The following VPS41 variants were observed in gnomAD, a reference collection of about 807,000 sequenced individuals.
VPS41 encodes VPS41 subunit of HOPS complex, also known as vacuolar protein sorting-associated protein 41 homolog.
VPS41 carries 85 observed loss-of-function variants against 130.9 expected under a neutral mutation model. The ratio of observed to expected loss-of-function variants is 0.65; its 90% CI spans 0.55 to 0.78. The LOEUF (loss-of-function observed/expected upper bound fraction) is 0.78. Ranked by LOEUF, VPS41 falls within the 30% of genes least tolerant of loss-of-function variation. VPS41 has a pLI of 0.00. For missense variants in VPS41, 874 were observed against 1,018.7 expected, an observed-to-expected ratio of 0.86 and a Z score of 1.93; for synonymous variants, 335 against 332.9, an observed-to-expected ratio of 1.01 and a Z score of -0.07.
At chr7:38,793,042 G>A (rs1362307111) in intron 9 of VPS41, among the ~76,000 whole-genome samples, 1 of 152,068 alleles carries the variant, frequency 6.6e-6, no homozygotes, top group African/African-American at 2.4e-5. Context: ...TATTGGACAG[G>A]CCATCCCTGG....
At chr7:38,786,641 C>T (rs1311028411) in intron 10 of VPS41, among the ~76,000 whole-genome samples, 1 of 151,964 alleles carries the variant, frequency 6.6e-6, no homozygotes, top group Non-Finnish European at 1.5e-5. Context: ...AATTTCATAA[C>T]AAAATGTTAG....
At chr7:38,901,497 G>T (rs1453217118) in intron 1 of VPS41, among the ~76,000 whole-genome samples, 1 of 152,192 alleles carries the variant, frequency 6.6e-6, no homozygotes, top group Non-Finnish European at 1.5e-5. Context: ...AAGACAGGAA[G>T]CAAAAGAGGG....
intron 2 of VPS41, among the ~76,000 whole-genome samples, chr7:38,892,250 G>A (rs986987618): frequency 3.3e-5 from 5 of 152,094 alleles, no homozygotes; most frequent in Non-Finnish European, 7.4e-5. Flanking sequence ...GTTAAAGGCA[G>A]TATAACTAGA....
intron 2 of VPS41, among the ~76,000 whole-genome samples, chr7:38,892,316 C>A (rs1229057961): frequency 6.6e-6 from 1 of 152,104 alleles, no homozygotes; most frequent in Non-Finnish European, 1.5e-5. Context: ...AACTGGGTAG[C>A]CTTGCAAAGT....
At chr7:38,873,217 AT>A (rs1211827300) in intron 2 of VPS41, among the ~76,000 whole-genome samples, 1 of 152,162 alleles carries the variant, frequency 6.6e-6, no homozygotes, top group Non-Finnish European at 1.5e-5. Flanking sequence ...TTGATGTATC[AT>A]TTCACGCTTT....
chr7:38,750,862 G>A (rs574786878), intron 22 of VPS41, among the ~76,000 whole-genome samples: 6 of 152,276 alleles, frequency 3.9e-5, no homozygotes, highest in African/African-American at 9.6e-5. Flanking sequence ...GAGACTTCAG[G>A]AGACTGCCAC....
At chr7:38,809,009 T>G (rs1042292885) in intron 7 of VPS41, among the ~76,000 whole-genome samples, 5 of 152,232 alleles carry the variant, frequency 3.3e-5, no homozygotes, top group African/African-American at 4.8e-5. Flanking sequence ...ATGGTTACTA[T>G]ATTTAATAAT....
chr7:38,735,917 G>C (rs886646), intron 25 of VPS41, among the ~76,000 whole-genome samples: 98,637 of 151,920 alleles, frequency 0.65, 33,198 homozygotes, highest in Admixed American at 0.78. Context: ...GGGAGGAACA[G>C]GGCAGGGGAG....
At chr7:38,846,652 A>C (rs997954401) in intron 4 of VPS41, among the ~76,000 whole-genome samples, 7 of 152,268 alleles carry the variant, frequency 4.6e-5, no homozygotes, top group African/African-American at 1.7e-4. Flanking sequence ...TGCTTTGGGA[A>C]GATTACTTGG....
rs751685294 is a variant in VPS41, at chr7:38,843,366, T to G, written c.247-13038A>C. On this transcript the variant is annotated intron_variant, in intron 4 of 28. Coordinates refer to ENST00000310301, the MANE Select transcript of VPS41 (RefSeq NM_014396.4). ...CAAAAAATGTCTTCTTATGACGTTT[T>G]AAAGATGACTCTATGCCTTTAAAAC... 3.3e-5 allele frequency among the ~76,000 whole-genome samples: 5 copies of G among 152,160 alleles called. 1 individual carries two copies. Among genetic ancestry groups the G allele is most frequent in the Non-Finnish European group, 7.4e-5 (5 of 68,026 alleles).
intron 10 of VPS41, among the ~76,000 whole-genome samples, chr7:38,781,897 G>A (rs911179023): frequency 2.6e-5 from 4 of 152,134 alleles, no homozygotes; most frequent in African/African-American, 4.8e-5. Flanking sequence ...AATCTATTGC[G>A]TAGGTGTGTC....
chr7:38,817,601 G>A (rs1390845807), intron 7 of VPS41, among the ~76,000 whole-genome samples: 1 of 152,200 alleles, frequency 6.6e-6, no homozygotes, highest in East Asian at 1.9e-4. Flanking sequence ...CTGGGCGACA[G>A]AGCAAGACTC....
intron 7 of VPS41, among the ~76,000 whole-genome samples, chr7:38,799,469 A>C (rs779755297): frequency 1.3e-5 from 2 of 152,194 alleles, no homozygotes; most frequent in Non-Finnish European, 2.9e-5. Context: ...TGTAAAAAAA[A>C]GGAAAATCTA....
intron 3 of VPS41, among the ~76,000 whole-genome samples, chr7:38,866,474 G>A (rs542179095): frequency 1.8e-4 from 28 of 152,242 alleles, no homozygotes; most frequent in African/African-American, 6.5e-4. Flanking sequence ...TGAAAGCAGA[G>A]GATTCATCCG....
chr7:38,732,025 A>T (rs971093922), intron 25 of VPS41, among the ~76,000 whole-genome samples: 19 of 152,212 alleles, frequency 1.2e-4, no homozygotes, highest in Admixed American at 1.2e-3. Context: ...AGATCTGGTC[A>T]ACAAGATAAA....
chr7:38,776,961 G>C (rs1347535384), intron 10 of VPS41, among the ~76,000 whole-genome samples, 185 bp from the exon 11 acceptor site: 2 of 152,140 alleles, frequency 1.3e-5, no homozygotes, highest in Non-Finnish European at 2.9e-5. Context: ...TCCTGGAAAC[G>C]AATATGTGGG....
chr7:38,785,151 G>T (rs1246882916), intron 10 of VPS41, among the ~76,000 whole-genome samples: 2 of 152,278 alleles, frequency 1.3e-5, no homozygotes, highest in East Asian at 3.9e-4. Context: ...TAATCAACTG[G>T]ATGTAATACC....
chr7:38,821,138 A>T, intron 6 of VPS41, 65 bp downstream of exon 6: 1 of 1,201,774 alleles, frequency 8.3e-7, no homozygotes, highest in Non-Finnish European at 1.2e-6. Context: ...TGTTCAAATT[A>T]CTGTAATCCA....
chr7:38,895,352 A>C (rs1786960336), intron 2 of VPS41, among the ~76,000 whole-genome samples: 1 of 150,302 alleles, frequency 6.7e-6, no homozygotes, highest in Non-Finnish European at 1.5e-5. Flanking sequence ...AATAAAAAAA[A>C]CAAACCACGT....
Sources: gnomAD v4.1 joint callset for allele counts (sites outside exome capture counted in the v4.1 genomes callset) on GRCh38, gnomAD v4.1.1 for gene constraint, MANE v1.5 for transcripts, NCBI Gene and HGNC (gene_info 2026-07-23, HGNC 2026-07-21) for gene names.